TRPM7: variants seen among roughly 807,000 people sequenced by gnomAD.
TRPM7 encodes the protein transient receptor potential cation channel subfamily M member 7, also known as LTRPC ion channel family member 7.
Under a neutral mutation model 229.7 loss-of-function variants are expected in TRPM7, and 134 were observed. The observed-to-expected ratio is 0.58, with a 90% CI of 0.51 to 0.67. The LOEUF (loss-of-function observed/expected upper bound fraction) is 0.67, where lower values mean the gene tolerates loss of function less well. TRPM7 is among the 30% of genes least tolerant of loss of function. The pLI is 0.00. For synonymous variants in TRPM7, 699 were observed against 715.2 expected (o/e 0.98, Z 0.36); for missense variants, 1,901 against 2,210.0 (o/e 0.86, Z 2.80).
intron 22 of TRPM7, among the ~76,000 whole-genome samples, chr15:50,596,664 T>C (rs1301576699): frequency 6.6e-6 from 1 of 152,186 alleles, no homozygotes; most frequent in Non-Finnish European, 1.5e-5. Context: ...TATTTACCCT[T>C]CGAGGCAGGG....
intron 1 of TRPM7, among the ~76,000 whole-genome samples, chr15:50,676,956 A>G (rs1381292890): frequency 6.6e-6 from 1 of 152,204 alleles, no homozygotes; most frequent in Non-Finnish European, 1.5e-5. Flanking sequence ...AAAATAACTG[A>G]GCAGATATTC....
chr15:50,633,126 T>C, intron 8 of TRPM7, 134 bp from the exon 9 acceptor site: 1 of 668,258 alleles, frequency 1.5e-6, no homozygotes, highest in Non-Finnish European at 2.2e-6. Context: ...TGGGTGGGAT[T>C]ATTTCTTCCT....
intron 1 of TRPM7, among the ~76,000 whole-genome samples, chr15:50,683,877 CT>C (rs370536416): frequency 1.3e-5 from 2 of 148,922 alleles, no homozygotes; most frequent in African/African-American, 2.5e-5. Flanking sequence ...CTGATCAAGT[CT>C]TTTTTTTTTG....
rs1203984354 is a variant in TRPM7, at chr15:50,599,245, A to C, written c.3040T>G (p.Phe1014Val). ...AGTATTGCCTTTCTGGGAACACCAA[A>C]ACTAAGTAATACAAGAGCCATAATC... ...VVIMALVLLS[F>V]GVPRKAILYP... The change falls in exon 22 of 39, where the codon TTT (phenylalanine) becomes GTT (valine). Residue 1014 changes from phenylalanine (F) to valine (V), a missense_variant. Coordinates refer to ENST00000646667, the MANE Select transcript of TRPM7 (RefSeq NM_017672.6). 4.3e-6 allele frequency: 7 copies of C among 1,613,418 alleles called. No homozygotes were observed. Among genetic ancestry groups the C allele is most frequent in the Non-Finnish European group, 5.9e-6 (7 of 1,179,510 alleles).
chr15:50,662,312 G>A (rs2061744673), intron 2 of TRPM7, among the ~76,000 whole-genome samples: 1 of 148,470 alleles, frequency 6.7e-6, no homozygotes, highest in Non-Finnish European at 1.5e-5. Context: ...GGACGACAGA[G>A]CAAGACTCTG....
rs1249159360 is a variant in TRPM7 at position 50,557,213 on chromosome 15, GCATGTAAGACTA to G, written c.*4453_*4464del. 3 of 152,190 alleles carry G rather than the reference GCATGTAAGACTA, an allele frequency of 2.0e-5. No homozygotes were observed. The East Asian group carries it at 5.8e-4, about 29-fold the overall frequency. 9.4% of individuals were successfully genotyped at this position (152,190 alleles called of 1,614,324 possible). A position where few individuals can be genotyped will look rare whatever the true frequency, so the allele number is the denominator to read the frequency against. On this transcript the variant is annotated 3_prime_UTR_variant, in exon 39 of 39. Coordinates refer to ENST00000646667, the MANE Select transcript of TRPM7 (RefSeq NM_017672.6). Reference sequence around the variant, plus strand: ...ATTCTTGCTTTGATTGTCTACGTAAGCATGTAAGACTACAACATTACGACCCATCTCTTCAAG... The same window carrying G: ...ATTCTTGCTTTGATTGTCTACGTAAGCAACATTACGACCCATCTCTTCAAG...
At chr15:50,587,405 CTT>C (rs34826776) in intron 27 of TRPM7, among the ~76,000 whole-genome samples, 1,023 of 91,542 alleles carry the variant, frequency 0.011, 2 homozygotes, top group African/African-American at 0.04. Context: ...ATAAATACTG[CTT>C]TTTTTTTTTT....
At position 50,632,758 on chromosome 15, in the gene TRPM7, C is replaced by T. The variant is rs186927866; in HGVS notation, c.1131+111G>A. The T allele has an allele frequency of 9.3e-4, 971 of 1,046,096 alleles. 13 individuals are homozygous for T. In the Admixed American group the frequency reaches 0.028, roughly 30 times the overall value. The allele number at this position is 1,046,096 out of a possible 1,614,324, so 64.8% of individuals were successfully genotyped here. On this transcript the variant is annotated intron_variant, in intron 9 of 38. Transcript: ENST00000646667. ...ATATTTTTATGGTTAATAAAGATTT[C>T]AAAGTTTAAAATCCAAATAAAAACA...
At chr15:50,641,228 C>T (rs2061092193) in intron 5 of TRPM7, among the ~76,000 whole-genome samples, 1 of 146,086 alleles carries the variant, frequency 6.8e-6, no homozygotes. Context: ...TATAACGGTC[C>T]CCAAGGCCTC....
At chr15:50,595,995 G>C in intron 23 of TRPM7, among the ~76,000 whole-genome samples, 1 of 152,108 alleles carries the variant, frequency 6.6e-6, no homozygotes, top group East Asian at 1.9e-4. Flanking sequence ...TATTGAATGC[G>C]TATTTGTTGG....
intron 28 of TRPM7, among the ~76,000 whole-genome samples, chr15:50,585,757 TATA>T (rs1330347396): frequency 6.6e-6 from 1 of 152,228 alleles, no homozygotes; most frequent in Admixed American, 6.5e-5. Context: ...AAGGAACCTT[TATA>T]ATTATTCAAC....
In TRPM7 at chr15:50,614,136, C is replaced by A; in HGVS notation, c.1622G>T (p.Gly541Val). ...KRFRLIYNSLGGNNRRSGRNT... is the reference protein window; with the variant it reads ...KRFRLIYNSLVGNNRRSGRNT... ...AATTTTACATACCCGATTATTTCCACCAAGACTATTATATATTAATCGAAA... is the reference window on the plus strand; with the variant it reads ...AATTTTACATACCCGATTATTTCCAACAAGACTATTATATATTAATCGAAA... Residue 541 changes from glycine to valine, a missense_variant, in exon 14 of 39, where the codon GGT becomes GTT. By Grantham distance (109) the Gly-to-Val change is moderately radical. Transcript: ENST00000646667. The A allele has an allele frequency of 6.2e-7, 1 of 1,600,128 alleles. No individual in the cohort carries two copies. The highest frequency in any genetic ancestry group is 8.5e-7 in the Non-Finnish European group (1 of 1,175,980).
intron 17 of TRPM7, 112 bp downstream of exon 17, chr15:50,610,981 A>T: frequency 1.3e-6 from 1 of 791,162 alleles, no homozygotes; most frequent in South Asian, 1.8e-5. Context: ...CTCCCTCTTT[A>T]CCCCCCACCA....
chr15:50,651,166 GAC>G (rs1389340068), intron 3 of TRPM7, among the ~76,000 whole-genome samples: 2 of 152,072 alleles, frequency 1.3e-5, no homozygotes, highest in Admixed American at 6.6e-5. Flanking sequence ...CAGCCTGGGT[GAC>G]ACAGAGAGAC....
In TRPM7 at chr15:50,619,818, C is replaced by T; in HGVS notation, c.1441-20G>A. The T allele has an allele frequency of 6.3e-7, 1 of 1,587,390 alleles. No individual in the cohort carries two copies. Among genetic ancestry groups the T allele is most frequent in the Non-Finnish European group, 8.6e-7 (1 of 1,169,522 alleles). On this transcript the variant is annotated intron_variant, in intron 12 of 38. Transcript: ENST00000646667. ...TTGTTTCTTTAGGGAGAAAAAGTTA[C>T]AGCAAACTATTATTTTTCTTCTAAA...
chr15:50,579,856 T>C (rs1187591099), intron 30 of TRPM7, among the ~76,000 whole-genome samples: 1 of 152,150 alleles, frequency 6.6e-6, no homozygotes, highest in Non-Finnish European at 1.5e-5. Context: ...AGTGAAGTGG[T>C]GCAATCATGG....
intron 1 of TRPM7, among the ~76,000 whole-genome samples, chr15:50,683,925 A>G (rs1010308829): frequency 4.6e-5 from 7 of 151,418 alleles, no homozygotes; most frequent in African/African-American, 1.5e-4. Flanking sequence ...GAATGGCGCA[A>G]TCTTGGCTCA....
At chr15:50,662,945 G>T in intron 2 of TRPM7, 22 bp downstream of exon 2, 1 of 1,565,118 alleles carries the variant, frequency 6.4e-7, no homozygotes, top group Non-Finnish European at 8.8e-7. Flanking sequence ...GAAGACCCCA[G>T]AAGTAACAAA....
At position 50,596,310 on chromosome 15, in the gene TRPM7, C is replaced by A; in HGVS notation, c.3235G>T (p.Val1079Phe). ...ATGATATACTGTACAAAGAGGTAGA[C>A]TGCTTGAAGAAATGGAGTCAACCAC... The part of the protein sequence containing the change: ...GTWLTPFLQA[V>F]YLFVQYIIMV... The change falls in exon 23 of 39, where the codon GTC becomes TTC. Residue 1079 changes from valine to phenylalanine, a missense_variant. By Grantham distance (50) the Val-to-Phe change is conservative. This residue lies in a region of TRPM7 where 89 missense variants were observed against 178.2 expected (regional missense o/e 0.50). Transcript: ENST00000646667. 2 of 1,605,558 alleles carry A rather than the reference C, an allele frequency of 1.2e-6. No homozygotes were observed. The highest frequency in any genetic ancestry group is 1.7e-6 in the Non-Finnish European group (2 of 1,175,242).
Sources: allele counts gnomAD v4.1 joint callset (sites outside exome capture counted in the v4.1 genomes callset), GRCh38; gene constraint gnomAD v4.1.1; regional missense constraint gnomAD v4.1.1; transcripts MANE v1.5; gene names NCBI Gene and HGNC (gene_info 2026-07-23, HGNC 2026-07-21).